KIF3A: variants seen among roughly 807,000 people sequenced by gnomAD.
KIF3A encodes kinesin-like protein KIF3A.
KIF3A carries 27 observed loss-of-function variants against 92.6 expected under a neutral mutation model. The ratio of observed to expected loss-of-function variants is 0.29; its 90% CI spans 0.21 to 0.40. KIF3A has a LOEUF of 0.40. KIF3A is among the 10% of genes least tolerant of loss of function. KIF3A has a pLI of 1.00. For synonymous variants in KIF3A, 250 were observed against 275.4 expected (o/e 0.91, Z 0.92); for missense variants, 581 against 872.6 (o/e 0.67, Z 4.21).
At chr5:132,716,544 T>A (rs1753629856) in intron 6 of KIF3A, 102 bp from the exon 7 acceptor site, 1 of 934,396 alleles carries the variant, frequency 1.1e-6, no homozygotes, top group Non-Finnish European at 1.6e-6. Flanking sequence ...AAAAACCTGA[T>A]ATGATGCCTG....
chr5:132,700,489 T>C (rs868544085), intron 16 of KIF3A, 158 bp downstream of exon 16: 11 of 655,876 alleles, frequency 1.7e-5, no homozygotes, highest in Non-Finnish European at 2.7e-5. Flanking sequence ...TATGTTACAA[T>C]TAATTACATG....
chr5:132,736,862 G>A, intron 1 of KIF3A: 1 of 403,818 alleles, frequency 2.5e-6, no homozygotes, highest in Non-Finnish European at 5.0e-6. Flanking sequence ...TGAAATCCTG[G>A]AAGATAAACA....
intron 1 of KIF3A, chr5:132,736,902 C>T: frequency 8.7e-6 from 3 of 346,260 alleles, no homozygotes; most frequent in South Asian, 6.8e-5. Context: ...AAGACACCTA[C>T]GGGTTTCATT....
chr5:132,721,268 T>C (rs535811576), intron 4 of KIF3A: 2 of 152,402 alleles, frequency 1.3e-5, no homozygotes, highest in South Asian at 4.1e-4. Flanking sequence ...AGGGAAATAA[T>C]CAGATCTATA....
In KIF3A at chr5:132,731,746, T is replaced by C. The variant is rs538337762; in HGVS notation, c.280+2459A>G. On this transcript the variant is annotated intron_variant, in intron 2 of 18. Coordinates refer to ENST00000403231, the MANE Select transcript of KIF3A (RefSeq NM_001300791.2). ...TTTTTTTTGAGACAGAGTCTTGCCCTGTCACCCAGGCTGGAGTGCAATGGC... is the reference window on the plus strand; with the variant it reads ...TTTTTTTTGAGACAGAGTCTTGCCCCGTCACCCAGGCTGGAGTGCAATGGC... 2.1e-3 allele frequency among the ~76,000 whole-genome samples: 324 copies of C among 152,034 alleles called. 2 individuals are homozygous for C. The highest frequency in any genetic ancestry group is 7.5e-3 in the African/African-American group (312 of 41,460).
In KIF3A at chr5:132,734,229, C is replaced by G. The variant is rs761079544; in HGVS notation, c.256G>C (p.Asp86His). 13 of 1,613,280 alleles carry G rather than the reference C, an allele frequency of 8.1e-6. No homozygotes were observed. The highest frequency in any genetic ancestry group is 1.0e-5 in the Non-Finnish European group (12 of 1,179,622). ...CCATTGTAGCCTTCAAGTACAGAAT[C>G]AATAATAGGTCTTGCAGTTAAGTTA... The part of the protein sequence containing the change: ...VYNLTARPII[D>H]SVLEGYNGTI... Residue 86 changes from aspartate to histidine, a missense_variant, in exon 2 of 19, where the codon GAT becomes CAT. Physicochemically the swap from Asp to His is moderately conservative, Grantham distance 81 (BLOSUM62 -1). Transcript: ENST00000403231.
At position 132,700,222 on chromosome 5, in the gene KIF3A, C is replaced by A; in HGVS notation, c.2001G>T (p.Glu667Asp). The A allele has an allele frequency of 6.4e-7, 1 of 1,562,742 alleles. No homozygotes were observed. Among genetic ancestry groups the A allele is most frequent in the South Asian group, 1.1e-5 (1 of 87,550 alleles). The change falls in exon 17 of 19, where the codon GAG becomes GAT. Residue 667 changes from glutamate (E) to aspartate (D), a missense_variant. By Grantham distance (45) the Glu-to-Asp change is conservative. Coordinates refer to ENST00000403231, the MANE Select transcript of KIF3A (RefSeq NM_001300791.2). ...TTTTTTTAAGTACTCTTACATCTTTCTCCTTTTTATCAGGTACTGGGGTTT... is the reference window on the plus strand; with the variant it reads ...TTTTTTTAAGTACTCTTACATCTTTATCCTTTTTATCAGGTACTGGGGTTT... ...RKQTPVPDKK[E>D]KDPFEVDLSH...
chr5:132,724,812 TA>T (rs1202947690), intron 4 of KIF3A, among the ~76,000 whole-genome samples: 257 of 12,404 alleles, frequency 0.021, 25 homozygotes, highest in African/African-American at 0.053. Flanking sequence ...AAAAAATATA[TA>T]TATATATATA....
At chr5:132,712,391 A>G (rs1581078469) in intron 8 of KIF3A, among the ~76,000 whole-genome samples, 1 of 152,250 alleles carries the variant, frequency 6.6e-6, no homozygotes, top group Admixed American at 6.5e-5. Flanking sequence ...AATTCAATGA[A>G]CAAAATAAAT....
intron 2 of KIF3A, among the ~76,000 whole-genome samples, chr5:132,732,418 C>T (rs1754262728): frequency 6.6e-6 from 1 of 152,198 alleles, no homozygotes; most frequent in South Asian, 2.1e-4. Context: ...AACAAATGTT[C>T]ACCAACTAAT....
At chr5:132,732,338 T>C (rs1354451195) in intron 2 of KIF3A, among the ~76,000 whole-genome samples, 2 of 152,206 alleles carry the variant, frequency 1.3e-5, no homozygotes, top group African/African-American at 2.4e-5. Flanking sequence ...AAACTAAACA[T>C]ATGTTCACAC....
chr5:132,736,925 C>T, intron 1 of KIF3A: 1 of 330,652 alleles, frequency 3.0e-6, no homozygotes, highest in Admixed American at 4.4e-5. Context: ...GCATCATAAG[C>T]TAAAGCGCCA....
In KIF3A at chr5:132,726,344, T is replaced by C. The variant is rs908632781; in HGVS notation, c.425+10A>G. ...TCTCAATATCAGAAAATAAAAGAAT[T>C]CCCTTTTACCTTGTATCACCCTCCG... On this transcript the variant is annotated intron_variant, in intron 3 of 18. Coordinates refer to ENST00000403231, the MANE Select transcript of KIF3A (RefSeq NM_001300791.2). 1 of 1,611,678 alleles carries C rather than the reference T, an allele frequency of 6.2e-7. No homozygotes were observed. Among genetic ancestry groups the C allele is most frequent in the African/African-American group, 1.3e-5 (1 of 74,842 alleles).
chr5:132,729,479 C>A (rs1388085582), intron 2 of KIF3A, among the ~76,000 whole-genome samples: 1 of 151,382 alleles, frequency 6.6e-6, no homozygotes, highest in African/African-American at 2.4e-5. Flanking sequence ...CAGAAAACAA[C>A]AACAACAACA....
rs1179981580 is a variant in KIF3A, at chr5:132,734,123, T to C, written c.280+82A>G. The stretch of plus-strand genomic sequence containing the variant: ...TATATATTTACTACACTCATCAAAC[T>C]GCACAGCTGCAATATGTGAATTTAT... On this transcript the variant is annotated intron_variant, in intron 2 of 18. Transcript: ENST00000403231. 5 of 1,099,764 alleles carry C rather than the reference T, an allele frequency of 4.5e-6. No homozygotes were observed. The East Asian group carries it at 1.2e-4, about 26-fold the overall frequency. The allele number at this position is 1,099,764 out of a possible 1,614,324, so 68.1% of individuals were successfully genotyped here.
rs544783370 is a variant in KIF3A at position 132,737,095 on chromosome 5, G to T, written c.6+319C>A. 2.6e-5 allele frequency among the ~76,000 whole-genome samples: 4 copies of T among 152,344 alleles called. No individual in the cohort carries two copies. In the East Asian group the frequency reaches 7.7e-4, roughly 29 times the overall value. Reference sequence around the variant, plus strand: ...AGCCCCACCGTGGCCACCCCCAGACGCCCCGCTCAGCAGGAAGGGCTGCGA... The same window carrying T: ...AGCCCCACCGTGGCCACCCCCAGACTCCCCGCTCAGCAGGAAGGGCTGCGA... On this transcript the variant is annotated intron_variant, in intron 1 of 18. Transcript: ENST00000403231.
chr5:132,698,866 T>C (rs1752927534), intron 18 of KIF3A, among the ~76,000 whole-genome samples: 1 of 151,828 alleles, frequency 6.6e-6, no homozygotes, highest in Non-Finnish European at 1.5e-5. Flanking sequence ...GCCTCCCCAG[T>C]AGCTGGGATT....
At chr5:132,712,916 T>C (rs1349124307) in intron 8 of KIF3A, among the ~76,000 whole-genome samples, 1 of 152,176 alleles carries the variant, frequency 6.6e-6, no homozygotes, top group Non-Finnish European at 1.5e-5. Flanking sequence ...TCCCAGCACT[T>C]TGAGATGCCG....
At chr5:132,707,213 T>A (rs544248788) in intron 10 of KIF3A, among the ~76,000 whole-genome samples, 6 of 151,998 alleles carry the variant, frequency 3.9e-5, no homozygotes, top group Non-Finnish European at 8.8e-5. Context: ...CTTCTATTAG[T>A]AGATTTTTAA....
Sources: allele counts gnomAD v4.1 joint callset (sites outside exome capture counted in the v4.1 genomes callset), GRCh38; gene constraint gnomAD v4.1.1; transcripts MANE v1.5; gene names NCBI Gene and HGNC (gene_info 2026-07-23, HGNC 2026-07-21).